The following GRID1 variants were observed in gnomAD, a reference collection of about 807,000 sequenced individuals.
GRID1 encodes glutamate ionotropic receptor delta type subunit 1.
A neutral mutation model predicts 98.0 loss-of-function variants in GRID1; 28 were observed. The ratio of observed to expected loss-of-function variants is 0.29; its 90% CI spans 0.21 to 0.39. GRID1 has a LOEUF of 0.39. GRID1 is among the 10% of genes least tolerant of loss of function. GRID1 has a pLI of 1.00. For synonymous variants in GRID1, 553 were observed against 538.5 expected, an observed-to-expected ratio of 1.03 and a Z score of -0.37; for missense variants, 1,111 against 1,340.5, an observed-to-expected ratio of 0.83 and a Z score of 2.67.
chr10:85,673,809 A>G (rs1841114284), intron 12 of GRID1, among the ~76,000 whole-genome samples: 1 of 152,224 alleles, frequency 6.6e-6, no homozygotes, highest in Non-Finnish European at 1.5e-5. Flanking sequence ...ACTTGAACAA[A>G]TTCCTCTCAG....
intron 13 of GRID1, among the ~76,000 whole-genome samples, chr10:85,634,248 A>AT (rs1843007872): frequency 7.4e-5 from 3 of 40,606 alleles, no homozygotes; most frequent in Admixed American, 2.7e-4. Flanking sequence ...CTGATGGGGC[A>AT]CCTCTCTCTC....
rs78151156 is a variant in GRID1, at chr10:86,137,670, T to C, written c.726+1149A>G. ...CTGTCCATTACTGGACTGAATCACTTCATACAGGGCAACATGTTCTGGTGA... is the reference window on the plus strand; with the variant it reads ...CTGTCCATTACTGGACTGAATCACTCCATACAGGGCAACATGTTCTGGTGA... On this transcript the variant is annotated intron_variant, in intron 4 of 15. Coordinates refer to ENST00000327946, the MANE Select transcript of GRID1 (RefSeq NM_017551.3). Among the ~76,000 whole-genome samples the C allele has an allele frequency of 6.6e-5, 10 of 152,264 alleles. No individual in the cohort carries two copies. In the East Asian group the frequency reaches 1.2e-3, roughly 18 times the overall value.
At chr10:86,034,321 C>T (rs1426387403) in intron 4 of GRID1, among the ~76,000 whole-genome samples, 1 of 152,058 alleles carries the variant, frequency 6.6e-6, no homozygotes, top group Non-Finnish European at 1.5e-5. Flanking sequence ...ATTTCATTTT[C>T]AAAAGTAACC....
chr10:85,767,137 C>T (rs1842205768), intron 8 of GRID1, among the ~76,000 whole-genome samples: 1 of 152,214 alleles, frequency 6.6e-6, no homozygotes, highest in South Asian at 2.1e-4. Flanking sequence ...TCAGGAGAAG[C>T]TGGGCCACTC....
intron 2 of GRID1, among the ~76,000 whole-genome samples, chr10:86,290,021 A>G (rs1902680): frequency 0.92 from 140,589 of 152,312 alleles, 65,614 homozygotes; most frequent in African/African-American, 0.96. Context: ...GCAAGAGCAG[A>G]AGGCGTAACC....
intron 4 of GRID1, among the ~76,000 whole-genome samples, chr10:86,037,724 AAAT>A (rs996124930): frequency 6.6e-6 from 1 of 152,182 alleles, no homozygotes; most frequent in African/African-American, 2.4e-5. Context: ...CACCAAAAAA[AAAT>A]GAGTGGGGTG....
chr10:85,886,067 TGTGTCCTGCCTGGTCCCAGAC>T lies in GRID1; in HGVS notation c.781-16908_781-16888del, dbSNP rs1413175817. Among the ~76,000 whole-genome samples, 157 of 151,172 alleles carry T rather than the reference TGTGTCCTGCCTGGTCCCAGAC, an allele frequency of 1.0e-3. 1 individual carries two copies. The highest frequency in any genetic ancestry group is 3.5e-3 in the African/African-American group (143 of 40,496). Reference sequence around the variant, plus strand: ...TCCTGCCTGGTCCCAGACCCAGAGCTGTGTCCTGCCTGGTCCCAGACCACCTGGGTTGTCCCAGTTTTAAGA... The same window carrying T: ...TCCTGCCTGGTCCCAGACCCAGAGCTCACCTGGGTTGTCCCAGTTTTAAGA... On this transcript the variant is annotated intron_variant, in intron 5 of 15. Transcript: ENST00000327946.
In GRID1 at chr10:85,599,802, A is replaced by AAAAAAAAAAAAAAAAAAT; in HGVS notation, c.*2470_*2471insATTTTTTTTTTTTTTTTT. 76 of 64,946 alleles carry AAAAAAAAAAAAAAAAAAT rather than the reference A, an allele frequency of 1.2e-3. 1 individual carries two copies. Among genetic ancestry groups the AAAAAAAAAAAAAAAAAAT allele is most frequent in the African/African-American group, 5.9e-3 (63 of 10,696 alleles). 4.0% of individuals were successfully genotyped at this position (64,946 alleles called of 1,614,324 possible). ...GTAGAAAATTCTAAAAAAAAAAAAA[A>AAAAAAAAAAAAAAAAAAT]ATATATATATATATATATAAACATG... is the stretch of plus-strand genomic sequence containing the variant. On this transcript the variant is annotated 3_prime_UTR_variant, in exon 16 of 16. Transcript: ENST00000327946.
At chr10:85,690,708 T>C (rs868559301) in intron 12 of GRID1, among the ~76,000 whole-genome samples, 21 of 152,312 alleles carry the variant, frequency 1.4e-4, no homozygotes, top group Middle Eastern at 3.4e-3. Context: ...CAGATCTTCT[T>C]CCAAATAAAT....
intron 2 of GRID1, among the ~76,000 whole-genome samples, chr10:86,276,634 C>T (rs911714744): frequency 2.6e-5 from 4 of 151,864 alleles, no homozygotes; most frequent in East Asian, 1.9e-4. Context: ...TCTAGAGTGG[C>T]GCCCACCACC....
At chr10:85,635,275 C>T (rs1370852052) in intron 13 of GRID1, among the ~76,000 whole-genome samples, 1 of 152,118 alleles carries the variant, frequency 6.6e-6, no homozygotes, top group African/African-American at 2.4e-5. Context: ...GACATTTGGA[C>T]TGTATTATCC....
chr10:85,972,642 A>G (rs1467563030), intron 4 of GRID1, among the ~76,000 whole-genome samples: 1 of 151,908 alleles, frequency 6.6e-6, no homozygotes, highest in African/African-American at 2.4e-5. Flanking sequence ...TCCATAATGT[A>G]CTTAGCTATT....
chr10:85,983,469 A>T (rs1455206329), intron 4 of GRID1, among the ~76,000 whole-genome samples: 1 of 152,218 alleles, frequency 6.6e-6, no homozygotes, highest in Non-Finnish European at 1.5e-5. Flanking sequence ...AATCCCGGAA[A>T]TTAGCCTAGT....
rs576660850 is a variant in GRID1, at chr10:85,795,602, C to G, written c.1233+58894G>C. 2.4e-4 allele frequency among the ~76,000 whole-genome samples: 36 copies of G among 152,260 alleles called. 1 individual carries two copies. In the South Asian group the frequency reaches 7.5e-3, roughly 32 times the overall value. On this transcript the variant is annotated intron_variant, in intron 8 of 15. Coordinates refer to ENST00000327946, the MANE Select transcript of GRID1 (RefSeq NM_017551.3). ...CTGAAACATATTTTCAGAAAATGCT[C>G]TAAATTAATTTAGGGAAAACAATTA...
chr10:86,139,521 C>T (rs991132476), intron 3 of GRID1, among the ~76,000 whole-genome samples: 5 of 152,244 alleles, frequency 3.3e-5, no homozygotes, highest in South Asian at 2.1e-4. Context: ...ACCAATCCTG[C>T]CAACGCACAG....
intron 4 of GRID1, among the ~76,000 whole-genome samples, chr10:85,996,816 C>T (rs1470335560): frequency 1.5e-5 from 2 of 130,694 alleles, no homozygotes; most frequent in African/African-American, 2.9e-5. Flanking sequence ...GCGACAAAAG[C>T]GAAACTCCAT....
rs2132011296 is a variant in GRID1 at position 86,195,389 on chromosome 10, C to T, written c.520+10975G>A. Among the ~76,000 whole-genome samples the T allele has an allele frequency of 6.6e-6, 1 of 152,222 alleles. No homozygotes were observed. Among genetic ancestry groups the T allele is most frequent in the Middle Eastern group, 3.4e-3 (1 of 294 alleles). On this transcript the variant is annotated intron_variant, in intron 3 of 15. Transcript: ENST00000327946. This position sits in a 1 kb window ranked among gnomAD's most constrained non-coding sequence, Gnocchi z 4.4. ...CCTCCCACCCTGTAACCTGTGGCTG[C>T]CAGAATAGCATGACCACAGCCGTCC...
At chr10:85,980,614 T>C (rs536018920) in intron 4 of GRID1, among the ~76,000 whole-genome samples, 12 of 152,164 alleles carry the variant, frequency 7.9e-5, no homozygotes, top group African/African-American at 1.4e-4. Context: ...TTCTTCCCTA[T>C]GGAAAACACA....
intron 4 of GRID1, among the ~76,000 whole-genome samples, chr10:85,947,266 G>T (rs1842065125): frequency 6.6e-6 from 1 of 152,168 alleles, no homozygotes; most frequent in African/African-American, 2.4e-5. Context: ...CACATGCATT[G>T]GTACCTTGTT....
Sources: gnomAD v4.1 joint callset for allele counts (sites outside exome capture counted in the v4.1 genomes callset) on GRCh38, gnomAD v4.1.1 for gene constraint, Gnocchi (gnomAD v3.1) non-coding constraint, MANE v1.5 for transcripts, NCBI Gene and HGNC (gene_info 2026-07-23, HGNC 2026-07-21) for gene names.